Variants in ZNF254 observed in about 807,000 individuals in gnomAD.
ZNF254 encodes the protein zinc finger protein 254.
In ZNF254, 10 loss-of-function variants were observed where a neutral mutation model predicts 12.4. The observed-to-expected ratio is 0.80, with a 90% CI of 0.50 to 1.36. The LOEUF is 1.36. Among genes scored for constraint, ZNF254 ranks in the 40% most tolerant of loss-of-function variants. ZNF254 has a pLI of 0.00. For synonymous variants in ZNF254, 305 were observed against 253.4 expected (o/e 1.20, Z -1.93); for missense variants, 996 against 763.9 (o/e 1.30, Z -3.58).
At chr19:24,042,312 C>T (rs142513035) in intron 1 of ZNF254, among the ~76,000 whole-genome samples, 1 of 152,282 alleles carries the variant, frequency 6.6e-6, no homozygotes, top group Non-Finnish European at 1.5e-5. Flanking sequence ...ACAGGCCACT[C>T]GGCTCTACCA....
chr19:24,035,978 T>C (rs984619989), intron 1 of ZNF254, among the ~76,000 whole-genome samples: 3 of 152,226 alleles, frequency 2.0e-5, no homozygotes, highest in Non-Finnish European at 4.4e-5. Context: ...CCTTGCCCTG[T>C]ATGTTTCTTA....
At chr19:24,058,531 C>T (rs1176928606) in intron 2 of ZNF254, among the ~76,000 whole-genome samples, 1 of 151,970 alleles carries the variant, frequency 6.6e-6, no homozygotes, top group Non-Finnish European at 1.5e-5. Flanking sequence ...TCTCAGCCTC[C>T]CAAGTAGCTT....
At chr19:24,089,113 A>G (rs930809665) in intron 1 of ZNF254, among the ~76,000 whole-genome samples, 1 of 151,326 alleles carries the variant, frequency 6.6e-6, no homozygotes, top group Admixed American at 6.6e-5. Flanking sequence ...AGTAACTGGG[A>G]TTATAGGCAT....
At chr19:24,088,552 C>T (rs978673704) in intron 1 of ZNF254, among the ~76,000 whole-genome samples, 6 of 152,166 alleles carry the variant, frequency 3.9e-5, no homozygotes, top group Non-Finnish European at 7.3e-5. Flanking sequence ...CCCGTTTTGT[C>T]TGACATTCCC....
At chr19:24,066,159 C>T (rs933964448) in intron 2 of ZNF254, 1 of 152,142 alleles carries the variant, frequency 6.6e-6, no homozygotes, top group African/African-American at 2.4e-5. Context: ...ATGTGACTCT[C>T]CTTTTCTGCC....
Position 24,127,047 on chromosome 19 carries a change from C to G in ZNF254, c.1047C>G (p.Pro349=). The stretch of plus-strand genomic sequence containing the variant: ...AGAGGATGCACACTGGAGAGAAACC[C>G]TACAAATGTGAAGAATGTGGCAAAG... The part of the protein sequence containing the change: ...RHKRMHTGEK[P]YKCEECGKAF... Residue 349 remains proline (P), a synonymous_variant, in exon 4 of 4, where the codon CCC becomes CCG. Coordinates refer to ENST00000357002, the MANE Select transcript of ZNF254 (RefSeq NM_203282.4). 1 of 1,613,204 alleles carries G rather than the reference C, an allele frequency of 6.2e-7. No homozygotes were observed. The highest frequency in any genetic ancestry group is 1.3e-5 in the African/African-American group (1 of 74,812).
chr19:24,121,169 TTTTG>T lies in ZNF254; in HGVS notation c.254-5073_254-5070del, dbSNP rs568469186. 3.3e-3 allele frequency among the ~76,000 whole-genome samples: 496 copies of T among 152,308 alleles called. 2 individuals carry two copies. Among genetic ancestry groups the T allele is most frequent in the African/African-American group, 0.011 (447 of 41,582 alleles). On this transcript the variant is annotated intron_variant, in intron 3 of 3. Coordinates refer to ENST00000357002, the MANE Select transcript of ZNF254 (RefSeq NM_203282.4). ...TAAATCAAATATTCTTGGTTACAAT[TTTTG>T]TTTGTTTGTTTTACTACATCAAAAT... is the stretch of plus-strand genomic sequence containing the variant.
intron 1 of ZNF254, among the ~76,000 whole-genome samples, chr19:24,042,090 C>T (rs2145207562): frequency 7.2e-6 from 1 of 139,396 alleles, no homozygotes; most frequent in South Asian, 2.3e-4. Flanking sequence ...CACTCTGTAT[C>T]TAGCTCAAGG....
At chr19:24,088,496 C>T (rs965133923) in intron 1 of ZNF254, among the ~76,000 whole-genome samples, 33 of 152,140 alleles carry the variant, frequency 2.2e-4, no homozygotes, top group Middle Eastern at 3.4e-3. Context: ...CCCCTCATCC[C>T]CTATTCCTCC....
intron 3 of ZNF254, 121 bp downstream of exon 3, chr19:24,106,764 A>T (rs1009000499): frequency 3.0e-5 from 26 of 853,652 alleles, no homozygotes; most frequent in Admixed American, 5.9e-5. Context: ...GGAAGCCTAA[A>T]TTTTTTTTTT....
chr19:24,037,360 T>G (rs895333934), intron 1 of ZNF254, among the ~76,000 whole-genome samples: 1 of 152,192 alleles, frequency 6.6e-6, no homozygotes, highest in Non-Finnish European at 1.5e-5. Flanking sequence ...AATACAGTCT[T>G]CATCCTTGAA....
intron 2 of ZNF254, among the ~76,000 whole-genome samples, chr19:24,064,910 T>C (rs1568435283): frequency 6.6e-6 from 1 of 152,188 alleles, no homozygotes; most frequent in Admixed American, 6.5e-5. Context: ...AGAACTATTC[T>C]AACACATCTT....
At chr19:24,092,946 T>C (rs904285439) in intron 1 of ZNF254, among the ~76,000 whole-genome samples, 7 of 152,242 alleles carry the variant, frequency 4.6e-5, no homozygotes, top group African/African-American at 1.7e-4. Context: ...AGCGTTCCCT[T>C]TTCTCTGCAA....
intron 3 of ZNF254, among the ~76,000 whole-genome samples, chr19:24,123,109 CT>C (rs1974598104): frequency 1.3e-5 from 2 of 152,012 alleles, no homozygotes; most frequent in South Asian, 4.1e-4. Context: ...TTAAGTCTGT[CT>C]GTTGCATTGA....
intron 3 of ZNF254, among the ~76,000 whole-genome samples, chr19:24,124,021 A>T (rs1187343153): frequency 6.6e-6 from 1 of 152,052 alleles, no homozygotes; most frequent in Non-Finnish European, 1.5e-5. Context: ...CTGTTATTTT[A>T]TTAAGTATTT....
At chr19:24,113,691 T>C (rs369887305) in intron 3 of ZNF254, among the ~76,000 whole-genome samples, 1 of 152,080 alleles carries the variant, frequency 6.6e-6, no homozygotes. Flanking sequence ...CCAGGGCAAT[T>C]AGGCAGGAGA....
At chr19:24,037,041 C>T (rs1969992881) in intron 1 of ZNF254, among the ~76,000 whole-genome samples, 1 of 152,176 alleles carries the variant, frequency 6.6e-6, no homozygotes, top group Admixed American at 6.5e-5. Context: ...TCTCTATCAC[C>T]CTGGGCTTGT....
In ZNF254 at chr19:24,128,242, G is replaced by T. The variant is rs1385070039; in HGVS notation, c.*262G>T. ...AACAACGTGGCCAAGCTTCGACAATGCTCACACCCTATTGCACAGGAAAGC... is the reference window on the plus strand; with the variant it reads ...AACAACGTGGCCAAGCTTCGACAATTCTCACACCCTATTGCACAGGAAAGC... On this transcript the variant is annotated 3_prime_UTR_variant, in exon 4 of 4. Coordinates refer to ENST00000357002, the MANE Select transcript of ZNF254 (RefSeq NM_203282.4). The T allele has an allele frequency of 2.6e-6, 1 of 389,086 alleles. No individual in the cohort carries two copies. The allele number at this position is 389,086 out of a possible 1,614,324, so 24.1% of individuals were successfully genotyped here. A position where few individuals can be genotyped will look rare whatever the true frequency, so the allele number is the denominator to read the frequency against.
chr19:24,034,915 C>T (rs1470919615), intron 1 of ZNF254, among the ~76,000 whole-genome samples: 1 of 151,290 alleles, frequency 6.6e-6, no homozygotes, highest in Non-Finnish European at 1.5e-5. Context: ...TCCCGAGTAG[C>T]TGGGATTACA....
Sources: allele counts gnomAD v4.1 joint callset (sites outside exome capture counted in the v4.1 genomes callset), GRCh38; gene constraint gnomAD v4.1.1; transcripts MANE v1.5; gene names NCBI Gene and HGNC (gene_info 2026-07-23, HGNC 2026-07-21).